ZFYVE9: variants seen among roughly 807,000 people sequenced by gnomAD.
ZFYVE9 encodes the protein zinc finger FYVE-type containing 9, also known as zinc finger FYVE domain-containing protein 9.
In ZFYVE9, 43 loss-of-function variants were observed where a neutral mutation model predicts 126.7. The observed-to-expected ratio is 0.34, with a 90% CI of 0.27 to 0.44. The LOEUF (loss-of-function observed/expected upper bound fraction) is 0.44. Ranked by LOEUF, ZFYVE9 falls within the 20% of genes least tolerant of loss-of-function variation. ZFYVE9 has a pLI of 1.00. For missense variants in ZFYVE9, 1,476 were observed against 1,697.0 expected, an observed-to-expected ratio of 0.87 and a Z score of 2.29; for synonymous variants, 521 against 597.4, an observed-to-expected ratio of 0.87 and a Z score of 1.87.
intron 13 of ZFYVE9, among the ~76,000 whole-genome samples, chr1:52,330,556 T>C (rs1465123530): frequency 1.3e-5 from 2 of 152,222 alleles, no homozygotes; most frequent in African/African-American, 4.8e-5. Flanking sequence ...GACATTGCCA[T>C]GGCATTTGTA....
At chr1:52,202,304 G>A (rs926897678) in intron 1 of ZFYVE9, among the ~76,000 whole-genome samples, 2 of 151,212 alleles carry the variant, frequency 1.3e-5, no homozygotes, top group African/African-American at 4.9e-5. Flanking sequence ...TTTTAAGACA[G>A]TGTCTCACTC....
chr1:52,224,482 A>G (rs1053162190), intron 2 of ZFYVE9, among the ~76,000 whole-genome samples: 5 of 152,142 alleles, frequency 3.3e-5, no homozygotes, highest in Non-Finnish European at 7.3e-5. Context: ...ATAGAGAAGG[A>G]CAGGTCTTTT....
intron 4 of ZFYVE9, among the ~76,000 whole-genome samples, chr1:52,261,087 ATGTCT>A (rs938435355): frequency 8.5e-5 from 13 of 152,156 alleles, no homozygotes; most frequent in African/African-American, 3.1e-4. Flanking sequence ...TTCAGATTTG[ATGTCT>A]TGTCATTTCC....
At chr1:52,245,376 C>T (rs1645374588) in intron 4 of ZFYVE9, among the ~76,000 whole-genome samples, 1 of 152,004 alleles carries the variant, frequency 6.6e-6, no homozygotes, top group South Asian at 2.1e-4. Context: ...AGATGCTCTG[C>T]AGTGGGAAGC....
chr1:52,210,650 GT>G (rs1645019606), intron 1 of ZFYVE9, among the ~76,000 whole-genome samples: 2 of 151,936 alleles, frequency 1.3e-5, no homozygotes, highest in Non-Finnish European at 2.9e-5. Context: ...TAATTAGGTG[GT>G]TCTCTCTCTC....
chr1:52,306,752 C>T (rs1189371868), intron 13 of ZFYVE9, among the ~76,000 whole-genome samples: 3 of 152,264 alleles, frequency 2.0e-5, no homozygotes, highest in African/African-American at 7.2e-5. Flanking sequence ...TCCCTGGTGG[C>T]AGCTGTGGAA....
intron 1 of ZFYVE9, among the ~76,000 whole-genome samples, chr1:52,182,526 T>C (rs1022618343): frequency 6.6e-6 from 1 of 152,092 alleles, no homozygotes; most frequent in Admixed American, 6.6e-5. Context: ...CAAGATGTGC[T>C]TTGTTAAACA....
At chr1:52,156,109 A>G (rs1321163420) in intron 1 of ZFYVE9, among the ~76,000 whole-genome samples, 1 of 152,210 alleles carries the variant, frequency 6.6e-6, no homozygotes, top group Non-Finnish European at 1.5e-5. Context: ...TGGAGTTAAC[A>G]TAGCCCCAAA....
intron 1 of ZFYVE9, among the ~76,000 whole-genome samples, chr1:52,201,989 G>A (rs553053717): frequency 4.5e-4 from 68 of 151,768 alleles, no homozygotes; most frequent in African/African-American, 1.3e-3. Context: ...TCGCCACATG[G>A]GCCAGGTTGG....
At position 52,219,749 on chromosome 1, in the gene ZFYVE9, TTGTGTGTGTGTGTGTG is replaced by T. The variant is rs56340178; in HGVS notation, c.-37+3314_-37+3329del. 1.9e-3 allele frequency among the ~76,000 whole-genome samples: 213 copies of T among 113,344 alleles called. No homozygotes were observed. The East Asian group carries it at 0.031, about 17-fold the overall frequency. 74.4% of individuals were successfully genotyped at this position (113,344 alleles called of 152,430 possible). A position where few individuals can be genotyped will look rare whatever the true frequency, so the allele number is the denominator to read the frequency against. ...ATAGAGCATTTCAGGCCAAGATCTT[TTGTGTGTGTGTGTGTG>T]TGTGTGTGTGTGTGTGTGTGTGTGT... is the stretch of plus-strand genomic sequence containing the variant. On this transcript the variant is annotated intron_variant, in intron 2 of 18. Coordinates refer to ENST00000287727, the MANE Select transcript of ZFYVE9 (RefSeq NM_004799.4).
chr1:52,251,452 A>T (rs961028801), intron 4 of ZFYVE9, among the ~76,000 whole-genome samples: 2 of 151,540 alleles, frequency 1.3e-5, no homozygotes, highest in Non-Finnish European at 2.9e-5. Flanking sequence ...ATGAATTGAG[A>T]TGATCATTTG....
At chr1:52,296,027 G>A (rs779435634) in intron 12 of ZFYVE9, 50 bp downstream of exon 12, 1 of 1,519,466 alleles carries the variant, frequency 6.6e-7, no homozygotes, top group Non-Finnish European at 9.1e-7. Flanking sequence ...TTATATGGGA[G>A]AAGGAAGAAA....
intron 1 of ZFYVE9, chr1:52,150,025 AAG>A (rs1441865426): frequency 1.3e-5 from 2 of 152,166 alleles, no homozygotes; most frequent in Admixed American, 6.5e-5. Flanking sequence ...AAAATGAAGA[AAG>A]AGTAAATTGT....
chr1:52,335,069 T>C (rs996193302), intron 15 of ZFYVE9: 18 of 210,848 alleles, frequency 8.5e-5, no homozygotes, highest in African/African-American at 4.2e-4. Flanking sequence ...TATCTAAATG[T>C]GTAGATGAAA....
chr1:52,312,148 G>A (rs1646142598), intron 13 of ZFYVE9, among the ~76,000 whole-genome samples: 1 of 152,128 alleles, frequency 6.6e-6, no homozygotes, highest in Non-Finnish European at 1.5e-5. Context: ...TGTGCTTGTA[G>A]GATGTATCTA....
At chr1:52,143,523 G>A (rs780812923) in intron 1 of ZFYVE9, among the ~76,000 whole-genome samples, 8 of 152,136 alleles carry the variant, frequency 5.3e-5, no homozygotes, top group East Asian at 1.9e-4. Flanking sequence ...AAGGTACCAT[G>A]TTGGCTCTTA....
chr1:52,215,829 C>T (rs1189376182), intron 1 of ZFYVE9, among the ~76,000 whole-genome samples: 1 of 152,072 alleles, frequency 6.6e-6, no homozygotes, highest in African/African-American at 2.4e-5. Flanking sequence ...AAGGTTAATA[C>T]TGGGTTAATA....
chr1:52,224,238 G>A lies in ZFYVE9; in HGVS notation c.-37+7764G>A, dbSNP rs144650677. On this transcript the variant is annotated intron_variant, in intron 2 of 18. Transcript: ENST00000287727. ...GGGCATGTTCAGGTGGCTGTCCAGC[G>A]GGGATGTGGGGTGGCATGGCCCATG... Among the ~76,000 whole-genome samples the A allele has an allele frequency of 1.2e-3, 183 of 152,270 alleles. 2 individuals are homozygous for A. The highest frequency in any genetic ancestry group is 4.4e-3 in the African/African-American group (181 of 41,550).
intron 4 of ZFYVE9, among the ~76,000 whole-genome samples, chr1:52,241,525 G>C (rs1302593693): frequency 6.6e-6 from 1 of 152,156 alleles, no homozygotes; most frequent in Non-Finnish European, 1.5e-5. Context: ...GTATAGGCCA[G>C]CACATCCAGC....
Sources: gnomAD v4.1 joint callset for allele counts (sites outside exome capture counted in the v4.1 genomes callset) on GRCh38, gnomAD v4.1.1 for gene constraint, MANE v1.5 for transcripts, NCBI Gene and HGNC (gene_info 2026-07-23, HGNC 2026-07-21) for gene names.